DPYS: variants seen among roughly 807,000 people sequenced by gnomAD.
The protein encoded by DPYS is dihydropyrimidinase, also known as dihydropyrimidine amidohydrolase.
In DPYS, 39 loss-of-function variants were observed where a neutral mutation model predicts 50.3. That is an observed-to-expected ratio of 0.78 (90% CI 0.60 to 1.01). DPYS has a LOEUF of 1.01. Ranked by LOEUF, DPYS falls within the 50% of genes least tolerant of loss-of-function variation. The pLI, the probability that DPYS is intolerant of heterozygous loss-of-function variation, is 0.00. For missense variants in DPYS, 659 were observed against 680.9 expected, an observed-to-expected ratio of 0.97 and a Z score of 0.36; for synonymous variants, 245 against 250.7, an observed-to-expected ratio of 0.98 and a Z score of 0.22.
intron 1 of DPYS, among the ~76,000 whole-genome samples, chr8:104,466,105 G>A (rs776159672): frequency 1.3e-5 from 2 of 152,232 alleles, no homozygotes; most frequent in Non-Finnish European, 1.5e-5. Context: ...ACGTGAACAC[G>A]GTGGGCATCT....
intron 1 of DPYS, among the ~76,000 whole-genome samples, chr8:104,452,186 CATTAT>C (rs1236169687): frequency 6.6e-6 from 1 of 152,230 alleles, no homozygotes; most frequent in Non-Finnish European, 1.5e-5. Flanking sequence ...CCCCTTAGCA[CATTAT>C]ATTACATTAC....
intron 1 of DPYS, among the ~76,000 whole-genome samples, chr8:104,453,650 T>C (rs117153914): frequency 0.01 from 1,597 of 152,282 alleles, 15 homozygotes; most frequent in Middle Eastern, 0.044. Context: ...CTCTCACAGT[T>C]AAAGATAGAG....
At chr8:104,401,440 G>A (rs113499107) in intron 7 of DPYS, among the ~76,000 whole-genome samples, 1,892 of 152,110 alleles carry the variant, frequency 0.012, 39 homozygotes, top group African/African-American at 0.043. Context: ...TATGAGATAA[G>A]CCTGGGCCTT....
chr8:104,426,587 A>G (rs1470932670), intron 6 of DPYS, among the ~76,000 whole-genome samples: 1 of 152,222 alleles, frequency 6.6e-6, no homozygotes, highest in Non-Finnish European at 1.5e-5. Context: ...TGTAGGGTAA[A>G]AGCAATTGAA....
chr8:104,433,167 T>C (rs979780169), intron 4 of DPYS, among the ~76,000 whole-genome samples: 1 of 152,188 alleles, frequency 6.6e-6, no homozygotes, highest in Non-Finnish European at 1.5e-5. Context: ...TTCAACCCTG[T>C]TGTCACCTTG....
At chr8:104,412,014 A>G (rs533351820) in intron 7 of DPYS, among the ~76,000 whole-genome samples, 1 of 152,196 alleles carries the variant, frequency 6.6e-6, no homozygotes, top group Non-Finnish European at 1.5e-5. Context: ...TGTGAAATAA[A>G]CCTAATGTAC....
Position 104,393,010 on chromosome 8 carries a change from CA to C in DPYS, c.1236-20del, listed in dbSNP as rs1373223734. 2 of 1,610,276 alleles carry C rather than the reference CA, an allele frequency of 1.2e-6. No homozygotes were observed. The highest frequency in any genetic ancestry group is 1.3e-5 in the African/African-American group (1 of 74,852). ...GATAGTCCTATATTTGTGAAAACAA[CA>C]AAAAAGTTCTGGATCATCACCAGCT... On this transcript the variant is annotated intron_variant, in intron 7 of 9. Transcript: ENST00000351513.
chr8:104,451,511 T>C, intron 1 of DPYS, 107 bp from the exon 2 acceptor site: 1 of 1,413,376 alleles, frequency 7.1e-7, no homozygotes, highest in Non-Finnish European at 9.8e-7. Flanking sequence ...ACTCGATGGG[T>C]CCAGGAAATT....
At chr8:104,390,421 A>T (rs531469644) in intron 8 of DPYS, among the ~76,000 whole-genome samples, 1 of 152,194 alleles carries the variant, frequency 6.6e-6, no homozygotes, top group South Asian at 2.1e-4. Flanking sequence ...AGCAGGGTTT[A>T]TGTCCTGGCT....
At chr8:104,417,789 C>T (rs1206190125) in intron 7 of DPYS, among the ~76,000 whole-genome samples, 2 of 152,210 alleles carry the variant, frequency 1.3e-5, no homozygotes, top group African/African-American at 4.8e-5. Context: ...GAACTTTTTA[C>T]AGGCTAGTGA....
In DPYS at chr8:104,429,003, G is replaced by T. The variant is rs550103501; in HGVS notation, c.950+542C>A. On this transcript the variant is annotated intron_variant, in intron 5 of 9. Coordinates refer to ENST00000351513, the MANE Select transcript of DPYS (RefSeq NM_001385.3). ...AAGCCACCACGCCCAGCCAATTTTT[G>T]TATTTTTAGTAGAGATGGGGATTTG... 4.8e-4 allele frequency: 76 copies of T among 159,474 alleles called. No homozygotes were observed. In the Middle Eastern group the frequency reaches 0.023, roughly 47 times the overall value. The allele number at this position is 159,474 out of a possible 1,614,324, so 9.9% of individuals were successfully genotyped here.
intron 1 of DPYS, among the ~76,000 whole-genome samples, chr8:104,461,639 G>A (rs1814174745): frequency 1.3e-5 from 2 of 152,176 alleles, no homozygotes; most frequent in Non-Finnish European, 2.9e-5. Context: ...GAAACAGGAA[G>A]AAAAATGAGT....
intron 8 of DPYS, among the ~76,000 whole-genome samples, chr8:104,382,074 TG>T (rs1403562352): frequency 6.6e-6 from 1 of 152,178 alleles, no homozygotes; most frequent in African/African-American, 2.4e-5. Context: ...ATCCATGAAA[TG>T]GGGGAAATAA....
intron 4 of DPYS, among the ~76,000 whole-genome samples, chr8:104,438,881 C>T (rs1281617269): frequency 1.3e-5 from 2 of 151,864 alleles, no homozygotes; most frequent in African/African-American, 4.8e-5. Context: ...CCAGCCTGGG[C>T]AACATGGTGA....
rs768511116 is a variant in DPYS at position 104,447,530 on chromosome 8, CAAT to C, written c.424-30_424-28del. On this transcript the variant is annotated intron_variant, in intron 2 of 9. Transcript: ENST00000351513. ...TAAAAGGAAGCAGCAACCATAACAA[CAAT>C]ATGTTACTCTAATTTAAATGATAAT... The C allele has an allele frequency of 1.7e-5, 28 of 1,609,008 alleles. No individual in the cohort carries two copies. In the African/African-American group the frequency reaches 2.5e-4, roughly 15 times the overall value.
In DPYS at chr8:104,393,337, A is replaced by G. The variant is rs151171500; in HGVS notation, c.1236-346T>C. On this transcript the variant is annotated intron_variant, in intron 7 of 9. Transcript: ENST00000351513. ...ATTTTTAAATTATAAAATATTTTTA[A>G]ACGCAGATGACTGATGAACACACTG... 1.8e-4 allele frequency among the ~76,000 whole-genome samples: 28 copies of G among 152,328 alleles called. No individual in the cohort carries two copies. In the East Asian group the frequency reaches 5.0e-3, roughly 27 times the overall value.
chr8:104,466,514 G>A (rs1410459191), intron 1 of DPYS, 143 bp downstream of exon 1: 2 of 981,728 alleles, frequency 2.0e-6, no homozygotes, highest in Non-Finnish European at 2.8e-6. Context: ...TCTGACACCC[G>A]CCGGGGCTGC....
At chr8:104,395,794 A>G (rs1162423351) in intron 7 of DPYS, among the ~76,000 whole-genome samples, 1 of 152,110 alleles carries the variant, frequency 6.6e-6, no homozygotes, top group African/African-American at 2.4e-5. Context: ...TATTTCTCTA[A>G]TGTAAATACC....
intron 9 of DPYS, 33 bp downstream of exon 9, chr8:104,381,151 G>T: frequency 6.4e-7 from 1 of 1,551,826 alleles, no homozygotes; most frequent in Non-Finnish European, 8.9e-7. Context: ...ATGCTGTCAT[G>T]CAGGAAGACT....
Sources: allele counts gnomAD v4.1 joint callset (sites outside exome capture counted in the v4.1 genomes callset), GRCh38; gene constraint gnomAD v4.1.1; transcripts MANE v1.5; gene names NCBI Gene and HGNC (gene_info 2026-07-23, HGNC 2026-07-21).